The following UMAD1 variants were observed in gnomAD, a reference collection of about 807,000 sequenced individuals.
The protein encoded by UMAD1 is UBAP1-MVB12-associated (UMA)-domain containing protein 1.
A neutral mutation model predicts 6.1 loss-of-function variants in UMAD1; 8 were observed. The observed-to-expected ratio is 1.30, with a 90% CI of 0.76 to 2.35. The LOEUF is 2.35. Ranked by LOEUF, UMAD1 falls within the 30% of genes most tolerant of loss-of-function variation. The pLI is 0.00. For missense variants in UMAD1, 130 were observed against 78.4 expected (o/e 1.66, Z -2.49); for synonymous variants, 56 against 31.4 (o/e 1.78, Z -2.61).
chr7:7,707,710 G>C (rs1420170124), intron 2 of UMAD1, among the ~76,000 whole-genome samples: 1 of 152,144 alleles, frequency 6.6e-6, no homozygotes, highest in African/African-American at 2.4e-5. Flanking sequence ...GCTATTCTTA[G>C]TGTTAATATA....
chr7:7,716,225 A>G (rs935062997), intron 2 of UMAD1, among the ~76,000 whole-genome samples: 2 of 152,200 alleles, frequency 1.3e-5, no homozygotes, highest in African/African-American at 4.8e-5. Context: ...TCTATGTTGT[A>G]TTGAATAACA....
At chr7:7,685,616 C>G (rs941664138) in intron 2 of UMAD1, among the ~76,000 whole-genome samples, 1 of 152,142 alleles carries the variant, frequency 6.6e-6, no homozygotes. Flanking sequence ...CCACATTAAT[C>G]TTTATAAATG....
At chr7:7,647,332 TG>T (rs1785120163) in intron 1 of UMAD1, among the ~76,000 whole-genome samples, 1 of 152,210 alleles carries the variant, frequency 6.6e-6, no homozygotes, top group Non-Finnish European at 1.5e-5. Context: ...TCTGAGGGTA[TG>T]GTTTGTCTAA....
chr7:7,834,781 A>T (rs1305816028), intron 3 of UMAD1, among the ~76,000 whole-genome samples: 1 of 152,124 alleles, frequency 6.6e-6, no homozygotes, highest in African/African-American at 2.4e-5. Flanking sequence ...AATTGAACGT[A>T]TGGGTGGGGG....
intron 3 of UMAD1, among the ~76,000 whole-genome samples, chr7:7,838,487 AC>A (rs1482379350): frequency 6.6e-6 from 1 of 152,228 alleles, no homozygotes; most frequent in Non-Finnish European, 1.5e-5. Context: ...TTATTATCTT[AC>A]AATCAACATT....
intron 3 of UMAD1, among the ~76,000 whole-genome samples, chr7:7,809,940 T>G (rs1583841887): frequency 6.6e-6 from 1 of 151,988 alleles, no homozygotes; most frequent in Non-Finnish European, 1.5e-5. Context: ...GATACAGACT[T>G]TGGTTACTAC....
intron 3 of UMAD1, among the ~76,000 whole-genome samples, chr7:7,808,385 A>G (rs1011261577): frequency 2.0e-5 from 3 of 152,000 alleles, no homozygotes; most frequent in Admixed American, 1.3e-4. Context: ...AATAAACATT[A>G]CATGTAAGCA....
At chr7:7,831,825 T>C (rs1783472546) in intron 3 of UMAD1, among the ~76,000 whole-genome samples, 1 of 152,238 alleles carries the variant, frequency 6.6e-6, no homozygotes, top group African/African-American at 2.4e-5. Flanking sequence ...ATTATAATTA[T>C]TATTAGTAAT....
intron 2 of UMAD1, among the ~76,000 whole-genome samples, chr7:7,788,432 C>T (rs555578442): frequency 4.5e-4 from 68 of 152,254 alleles, no homozygotes; most frequent in Admixed American, 3.1e-3. Flanking sequence ...ACTATTTAGC[C>T]GTGCCACTTG....
At chr7:7,776,916 A>G (rs1782219182) in intron 2 of UMAD1, among the ~76,000 whole-genome samples, 1 of 152,220 alleles carries the variant, frequency 6.6e-6, no homozygotes, top group Non-Finnish European at 1.5e-5. Context: ...CTCCAAAAGT[A>G]AACTACTACT....
intron 1 of UMAD1, among the ~76,000 whole-genome samples, chr7:7,645,565 C>T (rs561655104): frequency 7.2e-5 from 11 of 152,276 alleles, no homozygotes; most frequent in African/African-American, 2.6e-4. Flanking sequence ...AGGAGTATTC[C>T]CCGAAGTCCT....
intron 2 of UMAD1, among the ~76,000 whole-genome samples, chr7:7,757,762 T>C (rs556132029): frequency 6.6e-6 from 1 of 152,286 alleles, no homozygotes; most frequent in Admixed American, 6.5e-5. Flanking sequence ...GTTGTGTGGA[T>C]TAAGTAGAGA....
In UMAD1 at chr7:7,830,943, T is replaced by C. The variant is rs1307707820; in HGVS notation, c.156+29200T>C. On this transcript the variant is annotated intron_variant, in intron 3 of 3. Transcript: ENST00000682710. The surrounding 1 kb of genome is among the most constrained non-coding windows in gnomAD (Gnocchi z 5.3). The stretch of plus-strand genomic sequence containing the variant: ...TTTCCTCATGTGGCTACAAGAATAT[T>C]TTTTAATTATAAAAAATATACCAGT... 1.3e-5 allele frequency among the ~76,000 whole-genome samples: 2 copies of C among 152,154 alleles called. No individual in the cohort carries two copies. The highest frequency in any genetic ancestry group is 6.5e-5 in the Admixed American group (1 of 15,270).
At chr7:7,826,617 A>G (rs1259397224) in intron 3 of UMAD1, among the ~76,000 whole-genome samples, 1 of 152,142 alleles carries the variant, frequency 6.6e-6, no homozygotes, top group Non-Finnish European at 1.5e-5. Flanking sequence ...TGATTTTTAT[A>G]TATCAGATTG....
intron 2 of UMAD1, among the ~76,000 whole-genome samples, chr7:7,714,890 G>C (rs1211712815): frequency 7.6e-6 from 1 of 131,738 alleles, no homozygotes; most frequent in African/African-American, 2.9e-5. Flanking sequence ...AGTAACACTT[G>C]CAGACCTGTT....
chr7:7,769,134 A>G (rs367658441), intron 2 of UMAD1, among the ~76,000 whole-genome samples: 1 of 152,168 alleles, frequency 6.6e-6, no homozygotes, highest in African/African-American at 2.4e-5. Context: ...TGCAATTTGC[A>G]CATTTGGGCA....
At chr7:7,672,101 C>T (rs12702634) in intron 1 of UMAD1, among the ~76,000 whole-genome samples, 1 of 152,064 alleles carries the variant, frequency 6.6e-6, no homozygotes, top group African/African-American at 2.4e-5. Flanking sequence ...CTTTCACTCA[C>T]ATTAAATCCT....
At chr7:7,831,207 C>T (rs376942149) in intron 3 of UMAD1, among the ~76,000 whole-genome samples, 1 of 152,208 alleles carries the variant, frequency 6.6e-6, no homozygotes, top group East Asian at 1.9e-4. Context: ...GCCTCTAACC[C>T]ATATTTTTGT....
intron 3 of UMAD1, among the ~76,000 whole-genome samples, chr7:7,856,364 C>T (rs925507220): frequency 2.4e-4 from 37 of 152,216 alleles, no homozygotes; most frequent in African/African-American, 7.2e-4. Flanking sequence ...CACCTCCTCA[C>T]AAGGCAGCAA....
Sources: allele counts gnomAD v4.1 joint callset (sites outside exome capture counted in the v4.1 genomes callset), GRCh38; gene constraint gnomAD v4.1.1; non-coding constraint Gnocchi (gnomAD v3.1); transcripts MANE v1.5; gene names NCBI Gene and HGNC (gene_info 2026-07-23, HGNC 2026-07-21).